Variants in RANBP3L observed in about 807,000 individuals in gnomAD.
RANBP3L encodes the protein ran-binding protein 3-like.
A neutral mutation model predicts 67.2 loss-of-function variants in RANBP3L; 56 were observed. That is an observed-to-expected ratio of 0.83 (90% CI 0.67 to 1.04). The LOEUF (loss-of-function observed/expected upper bound fraction) is 1.04, where lower values mean the gene tolerates loss of function less well. Among genes scored for constraint, RANBP3L ranks in the 50% least tolerant of loss-of-function variants. The pLI is 0.00. For synonymous variants in RANBP3L, 164 were observed against 181.4 expected (o/e 0.90, Z 0.77); for missense variants, 496 against 535.5 (o/e 0.93, Z 0.73).
chr5:36,268,329 G>T (rs1368642516), intron 4 of RANBP3L: 2 of 1,245,896 alleles, frequency 1.6e-6, no homozygotes, highest in Non-Finnish European at 2.2e-6. Context: ...GTTTTCATTT[G>T]GAGTTTTGCT....
At chr5:36,279,131 A>G (rs1750800743) in intron 1 of RANBP3L, among the ~76,000 whole-genome samples, 2 of 152,208 alleles carry the variant, frequency 1.3e-5, no homozygotes, top group African/African-American at 4.8e-5. Flanking sequence ...CCCAAGGAAG[A>G]GGAGATACAG....
rs1360109792 is a variant in RANBP3L at position 36,269,485 on chromosome 5, G to A, written c.191-18C>T. ...ATTACATTCTGCAAGAAAAGCAATG[G>A]AAAGGCTAAAATTACTTGTGATAAT... On this transcript the variant is annotated intron_variant, in intron 3 of 13. Coordinates refer to ENST00000296604, the MANE Select transcript of RANBP3L (RefSeq NM_145000.5). The A allele has an allele frequency of 6.6e-6, 9 of 1,365,452 alleles. No individual in the cohort carries two copies. Among genetic ancestry groups the A allele is most frequent in the Non-Finnish European group, 6.3e-6 (6 of 953,086 alleles). The allele number at this position is 1,365,452 out of a possible 1,614,324, so 84.6% of individuals were successfully genotyped here.
chr5:36,285,874 T>G (rs1751288038), intron 1 of RANBP3L, among the ~76,000 whole-genome samples: 1 of 152,160 alleles, frequency 6.6e-6, no homozygotes, highest in Admixed American at 6.5e-5. Context: ...TTGCCTGAAA[T>G]ATTTTAAGGA....
chr5:36,295,332 T>C (rs1752129958), intron 1 of RANBP3L, among the ~76,000 whole-genome samples: 1 of 151,778 alleles, frequency 6.6e-6, no homozygotes. Flanking sequence ...GCTGTTCTCA[T>C]GATAGTGAGT....
chr5:36,296,700 A>G (rs1029694985), intron 1 of RANBP3L, among the ~76,000 whole-genome samples: 1 of 152,158 alleles, frequency 6.6e-6, no homozygotes, highest in Non-Finnish European at 1.5e-5. Context: ...TGGCTGTTCC[A>G]TGATACCCAG....
chr5:36,253,959 G>T lies in RANBP3L; in HGVS notation c.1025-170C>A, dbSNP rs115410612. ...TTTTCAAATCATACTTTATTATGTT[G>T]GGAGAACTTTTTTATCTTAAATGCT... On this transcript the variant is annotated intron_variant, in intron 11 of 13. Transcript: ENST00000296604. 3.9e-3 allele frequency among the ~76,000 whole-genome samples: 598 copies of T among 152,100 alleles called. 4 individuals are homozygous for T. Among genetic ancestry groups the T allele is most frequent in the African/African-American group, 0.013 (559 of 41,524 alleles).
chr5:36,248,567 C>T lies in RANBP3L; in HGVS notation c.*1087G>A, dbSNP rs1195366011. On this transcript the variant is annotated 3_prime_UTR_variant, in exon 14 of 14. Transcript: ENST00000296604. ...TTCGAAGCATCACTTAGTGAAATTA[C>T]GCCCTCATTCCAAATATGTTGTCAT... The T allele has an allele frequency of 2.0e-5, 3 of 152,252 alleles. No individual in the cohort carries two copies. Among genetic ancestry groups the T allele is most frequent in the Admixed American group, 6.5e-5 (1 of 15,300 alleles). 9.4% of individuals were successfully genotyped at this position (152,252 alleles called of 1,614,324 possible). A position where few individuals can be genotyped will look rare whatever the true frequency, so the allele number is the denominator to read the frequency against.
rs951033645 is a variant in RANBP3L, at chr5:36,295,226, C to T, written c.91+6100G>A. Among the ~76,000 whole-genome samples the T allele has an allele frequency of 5.3e-5, 8 of 151,964 alleles. 1 individual carries two copies. The highest frequency in any genetic ancestry group is 5.2e-4 in the Admixed American group (8 of 15,244). ...TGATATGGTTTTGCTGAGTCCCCAC[C>T]CATATCTCATCTTGAATTGTAGTTC... On this transcript the variant is annotated intron_variant, in intron 1 of 13. Coordinates refer to ENST00000296604, the MANE Select transcript of RANBP3L (RefSeq NM_145000.5).
rs774935712 is a variant in RANBP3L, at chr5:36,269,437, C to T, written c.221G>A (p.Arg74Gln). ...AATATGAAAAGTAAAAGATGAAGAC[C>T]GTACACGCTTTGTTGGAAAACCATT... ...ECNGFPTKRV[R>Q]SSSFTFHITD... Residue 74 changes from arginine (R) to glutamine (Q), a missense_variant, in exon 4 of 14, where the codon CGG becomes CAG. Coordinates refer to ENST00000296604, the MANE Select transcript of RANBP3L (RefSeq NM_145000.5). 4.9e-5 allele frequency: 77 copies of T among 1,579,194 alleles called. No homozygotes were observed. The highest frequency in any genetic ancestry group is 2.0e-4 in the Admixed American group (12 of 59,944).
chr5:36,297,795 C>T (rs1291023998), intron 1 of RANBP3L, among the ~76,000 whole-genome samples: 1 of 152,188 alleles, frequency 6.6e-6, no homozygotes, highest in East Asian at 1.9e-4. Flanking sequence ...TCATAGTAAA[C>T]TCCACGTGGA....
intron 1 of RANBP3L, among the ~76,000 whole-genome samples, chr5:36,280,976 TC>T: frequency 6.6e-6 from 1 of 152,326 alleles, no homozygotes; most frequent in East Asian, 1.9e-4. Context: ...CAAGGATGCT[TC>T]TTTATGCCCT....
intron 1 of RANBP3L, among the ~76,000 whole-genome samples, chr5:36,272,680 G>A (rs539353524): frequency 4.6e-5 from 7 of 151,954 alleles, no homozygotes; most frequent in African/African-American, 1.5e-4. Context: ...TCTTGTTGCC[G>A]AGGCTCGAGT....
rs1363626855 is a variant in RANBP3L, at chr5:36,251,518, A to C, written c.1168-19T>G. 1.3e-6 allele frequency: 2 copies of C among 1,552,484 alleles called. No individual in the cohort carries two copies. The highest frequency in any genetic ancestry group is 2.8e-5 in the African/African-American group (2 of 72,652). ...CACTGGCCTGCATGAGGAACATTAA[A>C]TTGTTAAGAAAATCATTAATATGTT... On this transcript the variant is annotated intron_variant, in intron 12 of 13. Coordinates refer to ENST00000296604, the MANE Select transcript of RANBP3L (RefSeq NM_145000.5).
chr5:36,251,908 T>C (rs1050235730), intron 12 of RANBP3L, among the ~76,000 whole-genome samples: 3 of 152,256 alleles, frequency 2.0e-5, no homozygotes, highest in Non-Finnish European at 4.4e-5. Flanking sequence ...GCTTTGTGGA[T>C]ATGCTGAGCT....
chr5:36,260,883 C>T lies in RANBP3L; in HGVS notation c.585-19G>A, dbSNP rs760860651. The T allele has an allele frequency of 7.5e-6, 8 of 1,070,884 alleles. No individual in the cohort carries two copies. The highest frequency in any genetic ancestry group is 1.1e-5 in the Non-Finnish European group (8 of 706,692). 66.3% of individuals were successfully genotyped at this position (1,070,884 alleles called of 1,614,324 possible). On this transcript the variant is annotated intron_variant, in intron 7 of 13. Transcript: ENST00000296604. ...TTGACATCTAAGAAAATGAAATAAGCATTTACTATTTTAAATACATAGATA... is the reference window on the plus strand; with the variant it reads ...TTGACATCTAAGAAAATGAAATAAGTATTTACTATTTTAAATACATAGATA...
intron 4 of RANBP3L, among the ~76,000 whole-genome samples, chr5:36,267,746 CATT>C (rs1321184243): frequency 6.6e-6 from 1 of 152,002 alleles, no homozygotes; most frequent in Non-Finnish European, 1.5e-5. Flanking sequence ...CTAAGCAAAA[CATT>C]ATAAATTTCA....
chr5:36,259,115 G>A (rs925188058), intron 8 of RANBP3L, among the ~76,000 whole-genome samples: 9 of 152,178 alleles, frequency 5.9e-5, no homozygotes, highest in Admixed American at 5.2e-4. Flanking sequence ...TGGAATAAAT[G>A]TGCCTAAATA....
chr5:36,270,555 A>G (rs1357475259), intron 2 of RANBP3L, among the ~76,000 whole-genome samples: 1 of 152,188 alleles, frequency 6.6e-6, no homozygotes, highest in Non-Finnish European at 1.5e-5. Flanking sequence ...CAGCAGTGCA[A>G]TCATAGCTCA....
chr5:36,254,790 C>G (rs1748853092), intron 11 of RANBP3L, among the ~76,000 whole-genome samples: 3 of 152,092 alleles, frequency 2.0e-5, no homozygotes. Context: ...TCATCCTGCC[C>G]AGATCTCTCC....
Sources: gnomAD v4.1 joint callset for allele counts (sites outside exome capture counted in the v4.1 genomes callset) on GRCh38, gnomAD v4.1.1 for gene constraint, MANE v1.5 for transcripts, NCBI Gene and HGNC (gene_info 2026-07-23, HGNC 2026-07-21) for gene names.